Variants in EYS observed in about 807,000 individuals in gnomAD.
EYS encodes the protein EGF-like photoreceptor maintenance factor, also known as protein eyes shut homolog.
A neutral mutation model predicts 282.1 loss-of-function variants in EYS; 250 were observed. The observed-to-expected ratio is 0.89, with a 90% confidence interval of 0.80 to 0.98. EYS has a LOEUF of 0.98. Among genes scored for constraint, EYS ranks in the 50% least tolerant of loss-of-function variants. The pLI is 0.00. For missense variants in EYS, 4,016 were observed against 3,709.0 expected, an observed-to-expected ratio of 1.08 and a Z score of -2.15; for synonymous variants, 1,355 against 1,282.9, an observed-to-expected ratio of 1.06 and a Z score of -1.20.
intron 12 of EYS, among the ~76,000 whole-genome samples, chr6:65,261,946 T>C (rs1267445368): frequency 6.6e-6 from 1 of 151,496 alleles, no homozygotes; most frequent in Non-Finnish European, 1.5e-5. Flanking sequence ...ACTAACATTA[T>C]ATTTATGGAC....
intron 24 of EYS, among the ~76,000 whole-genome samples, chr6:64,600,331 A>G (rs907435108): frequency 1.3e-4 from 20 of 152,108 alleles, no homozygotes; most frequent in African/African-American, 4.3e-4. Flanking sequence ...ATATTTCTCT[A>G]TGTGGTTATC....
intron 24 of EYS, among the ~76,000 whole-genome samples, chr6:64,604,007 G>T (rs554181767): frequency 5.9e-5 from 9 of 151,870 alleles, no homozygotes; most frequent in African/African-American, 2.2e-4. Flanking sequence ...ACACACAACA[G>T]GAATTCTCAT....
chr6:65,276,057 A>G (rs1393671065), intron 12 of EYS, among the ~76,000 whole-genome samples: 1 of 152,150 alleles, frequency 6.6e-6, no homozygotes, highest in Non-Finnish European at 1.5e-5. Flanking sequence ...CATTGGGCCC[A>G]TGCTCATAGA....
intron 28 of EYS, among the ~76,000 whole-genome samples, chr6:64,431,387 C>T (rs1774571013): frequency 6.6e-6 from 1 of 152,142 alleles, no homozygotes. Flanking sequence ...AATAAGCACA[C>T]ATTCTGAGCT....
At position 64,353,014 on chromosome 6, in the gene EYS, A is replaced by G. The variant is rs571544207; in HGVS notation, c.6078+35676T>C. On this transcript the variant is annotated intron_variant, in intron 29 of 42. Coordinates refer to ENST00000503581, the MANE Select transcript of EYS (RefSeq NM_001142800.2). ...AAATTGTGCTATGGACTATAGACAG[A>G]TGGCTGAAGAAGTCATATCCCTGCC... Among the ~76,000 whole-genome samples, 14 of 151,664 alleles carry G rather than the reference A, an allele frequency of 9.2e-5. 1 individual carries two copies. Among genetic ancestry groups the G allele is most frequent in the Admixed American group, 5.9e-4 (9 of 15,192 alleles).
At chr6:63,892,053 C>T (rs779555839) in intron 35 of EYS, among the ~76,000 whole-genome samples, 11 of 152,122 alleles carry the variant, frequency 7.2e-5, no homozygotes, top group Non-Finnish European at 1.5e-4. Flanking sequence ...AGGAGAACTA[C>T]AAACCACTGC....
At chr6:63,880,455 C>CTCTGTCTG (rs967281939) in intron 35 of EYS, among the ~76,000 whole-genome samples, 1 of 148,740 alleles carries the variant, frequency 6.7e-6, no homozygotes, top group Admixed American at 6.7e-5. Context: ...CCCATTATAT[C>CTCTGTCTG]TCTGTCTATC....
Position 63,741,661 on chromosome 6 carries a change from T to G in EYS, c.8072-14981A>C, listed in dbSNP as rs146120974. ...TTCCCCTTTGGAGATGTCTGTGAGATCTTTCATTCTCATCCTTGATGGTAC... is the reference window on the plus strand; with the variant it reads ...TTCCCCTTTGGAGATGTCTGTGAGAGCTTTCATTCTCATCCTTGATGGTAC... On this transcript the variant is annotated intron_variant, in intron 41 of 42. Transcript: ENST00000503581. Among the ~76,000 whole-genome samples, 36 of 152,328 alleles carry G rather than the reference T, an allele frequency of 2.4e-4. No individual in the cohort carries two copies. In the East Asian group the frequency reaches 6.2e-3, roughly 26 times the overall value.
At chr6:64,703,036 A>G (rs1770843761) in intron 22 of EYS, among the ~76,000 whole-genome samples, 1 of 152,068 alleles carries the variant, frequency 6.6e-6, no homozygotes, top group African/African-American at 2.4e-5. Flanking sequence ...ACTCTCAAGA[A>G]CTGTGAAGCT....
intron 12 of EYS, among the ~76,000 whole-genome samples, chr6:65,112,985 T>G (rs1775256507): frequency 6.6e-6 from 1 of 152,074 alleles, no homozygotes; most frequent in African/African-American, 2.4e-5. Flanking sequence ...TCTAAATTGG[T>G]GAAAATGAAT....
At chr6:64,927,559 C>T (rs114055903) in intron 15 of EYS, among the ~76,000 whole-genome samples, 1,581 of 152,134 alleles carry the variant, frequency 0.01, 15 homozygotes, top group African/African-American at 0.036. Flanking sequence ...CAACACTGAA[C>T]AACCCTTTCA....
At chr6:64,655,713 A>G (rs1931854) in intron 22 of EYS, among the ~76,000 whole-genome samples, 97,096 of 151,728 alleles carry the variant, frequency 0.64, 31,298 homozygotes, top group African/African-American at 0.71. Flanking sequence ...AGTCATGGAT[A>G]AGCAATTATT....
At chr6:65,590,583 C>T (rs1197820288) in intron 2 of EYS, among the ~76,000 whole-genome samples, 7 of 151,960 alleles carry the variant, frequency 4.6e-5, no homozygotes, top group African/African-American at 9.7e-5. Context: ...ATTATTCTTG[C>T]TATCTCACTG....
chr6:65,372,172 T>G (rs1049009717), intron 8 of EYS, among the ~76,000 whole-genome samples: 1 of 152,002 alleles, frequency 6.6e-6, no homozygotes, highest in African/African-American at 2.4e-5. Context: ...AATCCTTATA[T>G]ATACACTTCT....
At chr6:64,563,939 T>C (rs1245833211) in intron 26 of EYS, among the ~76,000 whole-genome samples, 1 of 151,894 alleles carries the variant, frequency 6.6e-6, no homozygotes, top group African/African-American at 2.4e-5. Flanking sequence ...CTTATAAATA[T>C]TTTAAAATTA....
intron 28 of EYS, among the ~76,000 whole-genome samples, chr6:64,429,937 CAG>C (rs1025782131): frequency 2.0e-5 from 3 of 152,068 alleles, no homozygotes; most frequent in Admixed American, 6.6e-5. Context: ...ACACTGCTGA[CAG>C]GGGTTAATTA....
chr6:65,624,673 G>A (rs1276902034), intron 2 of EYS, among the ~76,000 whole-genome samples: 1 of 152,160 alleles, frequency 6.6e-6, no homozygotes, highest in Non-Finnish European at 1.5e-5. Context: ...GGAGAAGGTG[G>A]AAGAGCAGAC....
intron 26 of EYS, among the ~76,000 whole-genome samples, chr6:64,441,398 C>T (rs542711316): frequency 5.9e-5 from 9 of 152,222 alleles, no homozygotes; most frequent in Admixed American, 6.5e-5. Flanking sequence ...CTTTCAATTG[C>T]AATTTTAAAC....
At chr6:65,257,031 C>T (rs1767486727) in intron 12 of EYS, among the ~76,000 whole-genome samples, 1 of 47,110 alleles carries the variant, frequency 2.1e-5, no homozygotes, top group Non-Finnish European at 3.8e-5. Flanking sequence ...TGATGATGAG[C>T]ATTTTTTCAT....
Sources: gnomAD v4.1 joint callset for allele counts (sites outside exome capture counted in the v4.1 genomes callset) on GRCh38, gnomAD v4.1.1 for gene constraint, MANE v1.5 for transcripts, NCBI Gene and HGNC (gene_info 2026-07-23, HGNC 2026-07-21) for gene names.